The following RPS6KA2 variants were observed in gnomAD, a reference collection of about 807,000 sequenced individuals.
RPS6KA2 encodes ribosomal protein S6 kinase alpha-2.
In RPS6KA2, 42 loss-of-function variants were observed where a neutral mutation model predicts 91.8. That is an observed-to-expected ratio of 0.46 (90% CI 0.36 to 0.59). The LOEUF (loss-of-function observed/expected upper bound fraction) is 0.59. RPS6KA2 is among the 20% of genes least tolerant of loss of function. RPS6KA2 has a pLI of 0.00. For missense variants in RPS6KA2, 798 were observed against 978.5 expected (o/e 0.82, Z 2.46); for synonymous variants, 414 against 393.6 (o/e 1.05, Z -0.61).
chr6:166,809,638 C>T (rs533686886), intron 2 of RPS6KA2, among the ~76,000 whole-genome samples: 1 of 152,302 alleles, frequency 6.6e-6, no homozygotes, highest in Non-Finnish European at 1.5e-5. Context: ...ATCAGTGAGA[C>T]ACCACTTCAC....
intron 2 of RPS6KA2, among the ~76,000 whole-genome samples, chr6:166,686,150 G>T (rs1789006024): frequency 6.6e-6 from 1 of 152,126 alleles, no homozygotes; most frequent in Non-Finnish European, 1.5e-5. Flanking sequence ...GATCAGGACA[G>T]CATTGACCTA....
At chr6:166,472,068 C>A (rs1780792388) in intron 10 of RPS6KA2, among the ~76,000 whole-genome samples, 1 of 152,230 alleles carries the variant, frequency 6.6e-6, no homozygotes, top group African/African-American at 2.4e-5. Flanking sequence ...GTTGAAGAGT[C>A]CTTCTGGTCA....
At chr6:166,658,663 G>A (rs1012379263) in intron 2 of RPS6KA2, among the ~76,000 whole-genome samples, 1 of 152,214 alleles carries the variant, frequency 6.6e-6, no homozygotes, top group African/African-American at 2.4e-5. Context: ...CACTGATAAT[G>A]ATAAAAACAT....
intron 2 of RPS6KA2, among the ~76,000 whole-genome samples, chr6:166,694,409 C>T (rs960279736): frequency 6.6e-6 from 1 of 152,218 alleles, no homozygotes; most frequent in Non-Finnish European, 1.5e-5. Context: ...TCACGGTCTT[C>T]CAATACAATA....
intron 3 of RPS6KA2, among the ~76,000 whole-genome samples, chr6:166,517,472 T>TTTTG (rs1782694640): frequency 3.3e-5 from 2 of 60,500 alleles, no homozygotes; most frequent in African/African-American, 9.0e-5. Context: ...TTTTTTTTTT[T>TTTTG]TTTTTTTTTT....
intron 2 of RPS6KA2, among the ~76,000 whole-genome samples, chr6:166,832,651 T>G (rs1780217588): frequency 6.6e-6 from 1 of 152,148 alleles, no homozygotes; most frequent in Non-Finnish European, 1.5e-5. Flanking sequence ...TGCCCCACAG[T>G]TTAAATGTTA....
chr6:166,475,454 A>G (rs1351151652), intron 10 of RPS6KA2, among the ~76,000 whole-genome samples: 1 of 150,894 alleles, frequency 6.6e-6, no homozygotes, highest in African/African-American at 2.4e-5. Context: ...TCCTCCCACT[A>G]CTCTGCACGT....
intron 15 of RPS6KA2, among the ~76,000 whole-genome samples, chr6:166,431,345 C>T (rs1051138363): frequency 5.3e-5 from 8 of 152,240 alleles, no homozygotes; most frequent in African/African-American, 1.9e-4. Flanking sequence ...TCTTGGGGAT[C>T]TTGCTAAAAT....
intron 19 of RPS6KA2, among the ~76,000 whole-genome samples, chr6:166,414,676 T>C (rs960739047): frequency 6.6e-6 from 1 of 152,264 alleles, no homozygotes; most frequent in Non-Finnish European, 1.5e-5. Flanking sequence ...AAGACATTAC[T>C]GCCTGAGGAA....
intron 1 of RPS6KA2, among the ~76,000 whole-genome samples, chr6:166,585,705 G>A (rs933407403): frequency 2.2e-5 from 2 of 90,322 alleles, no homozygotes; most frequent in Admixed American, 2.3e-4. Context: ...AAGCATAGCT[G>A]TGCATTCATG....
At chr6:166,791,375 G>C (rs903288766) in intron 2 of RPS6KA2, among the ~76,000 whole-genome samples, 1 of 152,028 alleles carries the variant, frequency 6.6e-6, no homozygotes, top group South Asian at 2.1e-4. Flanking sequence ...CAAGTCCTGA[G>C]TGACCTACAA....
rs1780772048 is a variant in RPS6KA2 at position 166,852,574 on chromosome 6, C to G, written c.123+5626G>C. On this transcript the variant is annotated intron_variant, in intron 2 of 21. Coordinates refer to the RPS6KA2 transcript ENST00000503859. The surrounding 1 kb of genome is among the most constrained non-coding windows in gnomAD (Gnocchi z 4.1). ...GAGCTCCTGAACACACCCGGCCTGG[C>G]TCTCTCTTTCACCCTTTCTGCCTGT... Among the ~76,000 whole-genome samples the G allele has an allele frequency of 6.6e-6, 1 of 152,164 alleles. No individual in the cohort carries two copies.
rs1022940035 is a variant in RPS6KA2 at position 166,648,949 on chromosome 6, C to T, written c.124-110165G>A. Among the ~76,000 whole-genome samples the T allele has an allele frequency of 1.1e-4, 16 of 152,216 alleles. No homozygotes were observed. Among genetic ancestry groups the T allele is most frequent in the Admixed American group, 7.2e-4 (11 of 15,288 alleles). The stretch of plus-strand genomic sequence containing the variant: ...TGTCTCTCTAAGGCCACTGGCACCT[C>T]ATGCCAGCCCTACTAATGGGCTCCT... On this transcript the variant is annotated intron_variant, in intron 2 of 21. Transcript: ENST00000503859. The surrounding 1 kb of genome is among the most constrained non-coding windows in gnomAD (Gnocchi z 4.8).
chr6:166,475,760 G>A (rs1223777354), intron 10 of RPS6KA2: 1 of 531,116 alleles, frequency 1.9e-6, no homozygotes, highest in African/African-American at 1.9e-5. Context: ...GGATGTGGAG[G>A]TGGGAGAAAT....
At chr6:166,680,917 C>T (rs1002172718) in intron 2 of RPS6KA2, among the ~76,000 whole-genome samples, 4 of 152,228 alleles carry the variant, frequency 2.6e-5, no homozygotes, top group African/African-American at 9.6e-5. Flanking sequence ...AAAGTTTCAG[C>T]CTTGCTGCCC....
chr6:166,542,461 C>T (rs923829876), intron 1 of RPS6KA2: 2 of 152,214 alleles, frequency 1.3e-5, no homozygotes, highest in African/African-American at 4.8e-5. Context: ...ATTTTTAAAG[C>T]TAACTTGAGA....
chr6:166,437,176 G>C lies in RPS6KA2; in HGVS notation c.1333-4686C>G, dbSNP rs926587215. On this transcript the variant is annotated intron_variant, in intron 14 of 20. Transcript: ENST00000265678. The surrounding 1 kb of genome is among the most constrained non-coding windows in gnomAD (Gnocchi z 4.3). ...TGACCTGGATCTGCTGCGGGCAGCC[G>C]GGGTTTGGACACACTGTTTAGGAGC... Among the ~76,000 whole-genome samples, 1 of 152,036 alleles carries C rather than the reference G, an allele frequency of 6.6e-6. No homozygotes were observed. Among genetic ancestry groups the C allele is most frequent in the African/African-American group, 2.4e-5 (1 of 41,400 alleles).
At chr6:166,744,695 AGAG>A (rs931845175) in intron 2 of RPS6KA2, among the ~76,000 whole-genome samples, 1 of 151,974 alleles carries the variant, frequency 6.6e-6, no homozygotes, top group African/African-American at 2.4e-5. Flanking sequence ...AGGCCCCAGG[AGAG>A]GAGGAGATGA....
intron 2 of RPS6KA2, among the ~76,000 whole-genome samples, chr6:166,718,352 G>T (rs1790080104): frequency 6.6e-6 from 1 of 151,098 alleles, no homozygotes; most frequent in African/African-American, 2.4e-5. Flanking sequence ...AGGAAATAAT[G>T]CTCAGCCTTA....
Sources: allele counts gnomAD v4.1 joint callset (sites outside exome capture counted in the v4.1 genomes callset), GRCh38; gene constraint gnomAD v4.1.1; non-coding constraint Gnocchi (gnomAD v3.1); transcripts MANE v1.5; gene names NCBI Gene and HGNC (gene_info 2026-07-23, HGNC 2026-07-21).